The following SHF variants were observed in gnomAD, a reference collection of about 807,000 sequenced individuals.
The protein encoded by SHF is SH2 domain-containing adapter protein F.
In SHF, 30 loss-of-function variants were observed where a neutral mutation model predicts 42.4. The ratio of observed to expected loss-of-function variants is 0.71; its 90% CI spans 0.53 to 0.96. The LOEUF is 0.96. Among genes scored for constraint, SHF ranks in the 40% least tolerant of loss-of-function variants. The pLI, the probability that SHF is intolerant of heterozygous loss-of-function variation, is 0.00. For synonymous variants in SHF, 264 were observed against 269.9 expected, an observed-to-expected ratio of 0.98 and a Z score of 0.21; for missense variants, 598 against 634.0, an observed-to-expected ratio of 0.94 and a Z score of 0.61.
At chr15:45,183,970 C>T (rs1898255519) in intron 1 of SHF, among the ~76,000 whole-genome samples, 1 of 152,206 alleles carries the variant, frequency 6.6e-6, no homozygotes, top group Non-Finnish European at 1.5e-5. Flanking sequence ...CCTACCTTCT[C>T]CTCCCTCCCT....
chr15:45,178,037 A>G, intron 2 of SHF, 128 bp downstream of exon 2: 1 of 1,298,904 alleles, frequency 7.7e-7, no homozygotes, highest in Admixed American at 2.4e-5. Context: ...ATCCTCCCTA[A>G]GGACCTGGAA....
intron 3 of SHF, among the ~76,000 whole-genome samples, chr15:45,173,979 C>G (rs2141352350): frequency 6.6e-6 from 1 of 152,250 alleles, no homozygotes; most frequent in South Asian, 2.1e-4. Flanking sequence ...GCACTGTCAG[C>G]CCGTGGGTCC....
chr15:45,175,559 C>T, intron 2 of SHF, 134 bp from the exon 3 acceptor site: 1 of 855,194 alleles, frequency 1.2e-6, no homozygotes, highest in Non-Finnish European at 1.8e-6. Flanking sequence ...AGCTCAGCAA[C>T]CACACATCCT....
exon 2 of SHF, chr15:45,199,097 G>C (rs1210399399): frequency 6.5e-7 from 1 of 1,538,284 alleles, no homozygotes; most frequent in Admixed American, 2.1e-5. Flanking sequence ...ACCCAATGCC[G>C]CCTCTGTGGA....
At chr15:45,197,568 G>T (rs2141455258) in intron 2 of SHF, among the ~76,000 whole-genome samples, 1 of 152,260 alleles carries the variant, frequency 6.6e-6, no homozygotes, top group South Asian at 2.1e-4. Flanking sequence ...TCAAAATAGG[G>T]CTGCTTCCTA....
upstream of SHF, among the ~76,000 whole-genome samples, chr15:45,192,207 A>C (rs1282598159): frequency 6.6e-6 from 1 of 151,710 alleles, no homozygotes; most frequent in African/African-American, 2.4e-5. Flanking sequence ...ATCCTTATTA[A>C]ATTTTTTGAT....
chr15:45,192,528 C>A (rs1186227774), upstream of SHF, among the ~76,000 whole-genome samples: 8 of 151,856 alleles, frequency 5.3e-5, no homozygotes. Flanking sequence ...CCACCATGCC[C>A]GGCTGATTTT....
rs1363678872 is a variant in SHF at position 45,168,143 on chromosome 15, G to A, written c.1281-10C>T. On this transcript the variant is annotated splice_polypyrimidine_tract_variant and intron_variant, in intron 6 of 6. Transcript: ENST00000690270. ...GAATCCCTGGCTGCTCCTGGGAAGA[G>A]GAGAGGAGACTTTGGTGAGTGGGGG... The A allele has an allele frequency of 1.3e-6, 2 of 1,568,146 alleles. No individual in the cohort carries two copies. Among genetic ancestry groups the A allele is most frequent in the African/African-American group, 2.7e-5 (2 of 74,076 alleles).
At chr15:45,196,848 A>G (rs1021082197) in intron 2 of SHF, among the ~76,000 whole-genome samples, 17 of 151,654 alleles carry the variant, frequency 1.1e-4, no homozygotes, top group Non-Finnish European at 1.6e-4. Flanking sequence ...GCAGTGAGCC[A>G]AGATTGCACC....
At chr15:45,179,758 G>T (rs915088596) in intron 1 of SHF, among the ~76,000 whole-genome samples, 32 of 152,312 alleles carry the variant, frequency 2.1e-4, no homozygotes, top group African/African-American at 7.0e-4. Flanking sequence ...CTGCAGCATG[G>T]GGAGAGGCCA....
At chr15:45,171,554 C>T (rs1370901531) in intron 6 of SHF, 1 of 360,376 alleles carries the variant, frequency 2.8e-6, no homozygotes, top group East Asian at 5.3e-5. Context: ...TAAGCACTTC[C>T]CATGCATTAT....
Position 45,172,058 on chromosome 15 carries a change from C to G in SHF, c.1161-56G>C, listed in dbSNP as rs763820548. The G allele has an allele frequency of 3.0e-5, 48 of 1,613,698 alleles. No individual in the cohort carries two copies. In the Middle Eastern group the frequency reaches 6.6e-4, roughly 22 times the overall value. Reference sequence around the variant, plus strand: ...TCTGCTGGGTCCCTCGCTGTCCAGGCCCACCCATTGTGGGTGTCCCCTGTA... The same window carrying G: ...TCTGCTGGGTCCCTCGCTGTCCAGGGCCACCCATTGTGGGTGTCCCCTGTA... On this transcript the variant is annotated intron_variant, in intron 5 of 6. Coordinates refer to ENST00000690270, the MANE Select transcript of SHF (RefSeq NM_001394037.1).
chr15:45,172,029 C>T, intron 5 of SHF, 27 bp from the exon 6 acceptor site: 1 of 1,613,816 alleles, frequency 6.2e-7, no homozygotes, highest in Non-Finnish European at 8.5e-7. Flanking sequence ...GGAAGGGGGG[C>T]ATCTCTGCTG....
chr15:45,178,230 GCTC>G lies in SHF; in HGVS notation c.572_574del (p.Gly191del). On this transcript the variant is annotated inframe_deletion, in exon 2 of 7. Transcript: ENST00000690270. ...ATCATTTTCAGGGACCTTCTCTGGGGCTCCTGAAGCTCCTGCTGAGCCTTCGCC... is the reference window on the plus strand; with the variant it reads ...ATCATTTTCAGGGACCTTCTCTGGGGCTGAAGCTCCTGCTGAGCCTTCGCC... 1 of 1,613,910 alleles carries G rather than the reference GCTC, an allele frequency of 6.2e-7. No homozygotes were observed. The highest frequency in any genetic ancestry group is 8.5e-7 in the Non-Finnish European group (1 of 1,179,898).
intron 2 of SHF, chr15:45,198,695 T>C (rs1334707522): frequency 2.6e-6 from 4 of 1,522,802 alleles, no homozygotes; most frequent in South Asian, 1.3e-5. Context: ...CGGGGACCCG[T>C]AGGGGTTGGC....
rs779593488 is a variant in SHF at position 45,171,980 on chromosome 15, G to A, written c.1183C>T (p.Arg395Ter). Residue 395 changes from arginine to a stop codon, truncating the protein, a stop_gained, in exon 6 of 7, where the codon CGA becomes TGA. Transcript: ENST00000690270. LOFTEE classifies it high-confidence loss of function. ...CGGAGCAGGTTCTCGGCGTCGGTTC[G>A]GCTGATGGCCCCGTGATACCAGCTA... is the stretch of plus-strand genomic sequence containing the variant. ...NQVWYHGAIS[R>*]TDAENLLRLC... 10 of 1,613,988 alleles carry A rather than the reference G, an allele frequency of 6.2e-6. No individual in the cohort carries two copies. The highest frequency in any genetic ancestry group is 2.7e-5 in the African/African-American group (2 of 75,032).
At chr15:45,198,669 G>A (rs1036226376) in intron 2 of SHF, 8 of 1,452,658 alleles carry the variant, frequency 5.5e-6, no homozygotes, top group Middle Eastern at 1.8e-4. Flanking sequence ...ACCACTATAC[G>A]ATCACGGCGA....
intron 3 of SHF, 130 bp downstream of exon 3, chr15:45,175,089 C>T (rs1897728175): frequency 9.7e-7 from 1 of 1,027,382 alleles, no homozygotes; most frequent in African/African-American, 1.6e-5. Flanking sequence ...TGGTACAGAA[C>T]TCAACTACAT....
chr15:45,185,769 G>A (rs554533859), intron 1 of SHF, among the ~76,000 whole-genome samples: 1 of 152,254 alleles, frequency 6.6e-6, no homozygotes, highest in East Asian at 1.9e-4. Flanking sequence ...TTCCTTGGGG[G>A]TGTCTGGGAA....
Sources: gnomAD v4.1 joint callset for allele counts (sites outside exome capture counted in the v4.1 genomes callset) on GRCh38, gnomAD v4.1.1 for gene constraint, MANE v1.5 for transcripts, NCBI Gene and HGNC (gene_info 2026-07-23, HGNC 2026-07-21) for gene names.